The following C12orf42 variants were observed in gnomAD, a reference collection of about 807,000 sequenced individuals.
C12orf42 encodes chromosome 12 open reading frame 42.
C12orf42 carries 25 observed loss-of-function variants against 21.6 expected under a neutral mutation model. The observed-to-expected ratio is 1.16, with a 90% CI of 0.84 to 1.62. C12orf42 has a LOEUF of 1.62. C12orf42 is among the 40% of genes most tolerant of loss of function. C12orf42 has a pLI of 0.00. For synonymous variants in C12orf42, 174 were observed against 175.0 expected (o/e 0.99, Z 0.05); for missense variants, 483 against 459.3 (o/e 1.05, Z -0.47).
downstream of C12orf42, among the ~76,000 whole-genome samples, chr12:103,267,314 A>G (rs1269463431): frequency 6.6e-6 from 1 of 152,152 alleles, no homozygotes; most frequent in African/African-American, 2.4e-5. Context: ...GAGAGACCCT[A>G]CATATCCGAC....
At chr12:103,387,721 C>T (rs565294545) in intron 3 of C12orf42, among the ~76,000 whole-genome samples, 2 of 152,320 alleles carry the variant, frequency 1.3e-5, no homozygotes, top group South Asian at 4.1e-4. Context: ...AACTATCTTT[C>T]GTCTTGCTCA....
the C12orf42 span, among the ~76,000 whole-genome samples, chr12:103,229,467 G>A: frequency 1.5e-3 from 215 of 141,178 alleles, 1 homozygote; most frequent in African/African-American, 5.3e-3. Context: ...CAGTAAGCAG[G>A]GATCGTCAAT....
At chr12:103,089,517 A>G in the C12orf42 span, among the ~76,000 whole-genome samples, 15 of 150,234 alleles carry the variant, frequency 1.0e-4, no homozygotes, top group South Asian at 3.2e-3. Context: ...TGAGACTCCA[A>G]TATTTCATAT....
At chr12:103,327,950 T>C (rs1183254162) in intron 4 of C12orf42, among the ~76,000 whole-genome samples, 1 of 152,198 alleles carries the variant, frequency 6.6e-6, no homozygotes, top group Non-Finnish European at 1.5e-5. Flanking sequence ...ATTGAGTTTG[T>C]TATTTTGCAC....
At chr12:103,398,777 TC>T (rs1296340769) in intron 3 of C12orf42, among the ~76,000 whole-genome samples, 1 of 152,174 alleles carries the variant, frequency 6.6e-6, no homozygotes, top group East Asian at 1.9e-4. Context: ...TAATATCCTT[TC>T]TTTTGTATAT....
intron 4 of C12orf42, among the ~76,000 whole-genome samples, chr12:103,315,531 A>G (rs1196406771): frequency 2.0e-5 from 3 of 152,114 alleles, no homozygotes; most frequent in Non-Finnish European, 4.4e-5. Context: ...ATGGAAAGAG[A>G]AAAAAAACCC....
chr12:103,542,290 TG>T, the C12orf42 span, among the ~76,000 whole-genome samples: 8 of 152,246 alleles, frequency 5.3e-5, no homozygotes, highest in South Asian at 2.1e-4. Context: ...GTGGTGCGTC[TG>T]TGAGTGCTGA....
chr12:103,049,760 G>A, the C12orf42 span, among the ~76,000 whole-genome samples: 2 of 152,024 alleles, frequency 1.3e-5, no homozygotes, highest in African/African-American at 4.8e-5. Context: ...GCCTTTGCAC[G>A]TGCTGTTTCC....
chr12:103,336,334 G>C lies in C12orf42; in HGVS notation c.260-29989C>G, dbSNP rs138500148. Among the ~76,000 whole-genome samples the C allele has an allele frequency of 1.1e-3, 171 of 152,236 alleles. 1 individual carries two copies. The highest frequency in any genetic ancestry group is 3.8e-3 in the African/African-American group (159 of 41,538). On this transcript the variant is annotated intron_variant, in intron 4 of 5. Transcript: ENST00000548883. ...TTTTCATCAGAAAGGCAGCTGATCT[G>C]GTGTTTTCCACACACTTTTAGTCAG...
the C12orf42 span, among the ~76,000 whole-genome samples, chr12:103,090,007 A>C: frequency 6.6e-6 from 1 of 152,234 alleles, no homozygotes; most frequent in South Asian, 2.1e-4. Context: ...ATTAGAACCC[A>C]GAGCCAGCAG....
chr12:103,234,166 T>A (rs1241027381), downstream of C12orf42, among the ~76,000 whole-genome samples: 1 of 152,210 alleles, frequency 6.6e-6, no homozygotes, highest in Non-Finnish European at 1.5e-5. Context: ...CACTTAGTCA[T>A]GGAGTGTAAT....
chr12:103,522,302 T>C, the C12orf42 span, among the ~76,000 whole-genome samples: 47,605 of 151,962 alleles, frequency 0.31, 9,963 homozygotes, highest in African/African-American at 0.59. Flanking sequence ...GATTGTGAGG[T>C]CTCCCCAGCC....
chr12:103,295,344 C>T (rs2037184366), intron 4 of C12orf42, among the ~76,000 whole-genome samples: 1 of 151,890 alleles, frequency 6.6e-6, no homozygotes, highest in Admixed American at 6.6e-5. Flanking sequence ...CATCGTGTAC[C>T]CCAATCTGAA....
chr12:103,406,659 TCTC>T (rs753420516), intron 2 of C12orf42, among the ~76,000 whole-genome samples: 3 of 152,118 alleles, frequency 2.0e-5, no homozygotes, highest in Middle Eastern at 3.2e-3. Flanking sequence ...TGAAGCATAA[TCTC>T]CACAATGCTC....
chr12:103,353,569 C>T (rs144296995), intron 4 of C12orf42, among the ~76,000 whole-genome samples: 4 of 152,032 alleles, frequency 2.6e-5, no homozygotes, highest in Non-Finnish European at 4.4e-5. Flanking sequence ...GGCACTTTGA[C>T]AATTGTCTTT....
In C12orf42 at chr12:103,368,976, G is replaced by C; in HGVS notation, c.170C>G (p.Thr57Ser). The C allele has an allele frequency of 6.3e-7, 1 of 1,594,012 alleles. No homozygotes were observed. Among genetic ancestry groups the C allele is most frequent in the Non-Finnish European group, 8.6e-7 (1 of 1,167,992 alleles). Residue 57 changes from threonine (T) to serine (S), a missense_variant, in exon 4 of 6, where the codon ACT becomes AGT. Physicochemically the swap from Thr to Ser is moderately conservative, Grantham distance 58. Coordinates refer to ENST00000548883, the MANE Select transcript of C12orf42 (RefSeq NM_198521.5). ...AATGAATCTGGAGCAGGGTACTGAA[G>C]TTCTTTCATAACAAGGGATGTGCTG... ...SAKHIPCYER[T>S]SVPCSRFINH...
At chr12:103,237,371 C>T (rs2033501835), downstream of C12orf42, among the ~76,000 whole-genome samples, 1 of 152,068 alleles carries the variant, frequency 6.6e-6, no homozygotes, top group African/African-American at 2.4e-5. Context: ...TGACAAGATC[C>T]CAGGGTCTGC....
intron 1 of C12orf42, among the ~76,000 whole-genome samples, chr12:103,493,949 C>T (rs2138221908): frequency 6.6e-6 from 1 of 152,200 alleles, no homozygotes; most frequent in African/African-American, 2.4e-5. Context: ...TCTTTGAATT[C>T]CAGTAAGTAC....
the C12orf42 span, among the ~76,000 whole-genome samples, chr12:103,194,236 A>G: frequency 2.0e-5 from 3 of 152,166 alleles, no homozygotes; most frequent in African/African-American, 7.2e-5. Flanking sequence ...GTGAAAATTG[A>G]AGAGCTTTTC....
Sources: allele counts gnomAD v4.1 joint callset (sites outside exome capture counted in the v4.1 genomes callset), GRCh38; gene constraint gnomAD v4.1.1; transcripts MANE v1.5; gene names NCBI Gene and HGNC (gene_info 2026-07-23, HGNC 2026-07-21).